PIP4K2C: variants seen among roughly 807,000 people sequenced by gnomAD.
PIP4K2C encodes the protein phosphatidylinositol-5-phosphate 4-kinase type 2 gamma.
Under a neutral mutation model 45.0 loss-of-function variants are expected in PIP4K2C, and 21 were observed. The ratio of observed to expected loss-of-function variants is 0.47; its 90% CI spans 0.33 to 0.67. The LOEUF is 0.67. Ranked by LOEUF, PIP4K2C falls within the 30% of genes least tolerant of loss-of-function variation. The pLI is 0.02. For missense variants in PIP4K2C, 456 were observed against 542.8 expected, an observed-to-expected ratio of 0.84 and a Z score of 1.59; for synonymous variants, 201 against 204.8, an observed-to-expected ratio of 0.98 and a Z score of 0.16.
chr12:57,594,359 C>A (rs1253428581), intron 2 of PIP4K2C, among the ~76,000 whole-genome samples: 2 of 152,142 alleles, frequency 1.3e-5, no homozygotes, highest in African/African-American at 2.4e-5. Flanking sequence ...CCATTACCTG[C>A]TCTTTCTCTC....
rs747427338 is a variant in PIP4K2C at position 57,601,002 on chromosome 12, C to T, written c.1005C>T (p.Tyr335=). 1 of 1,614,126 alleles carries T rather than the reference C, an allele frequency of 6.2e-7. No individual in the cohort carries two copies. Among genetic ancestry groups the T allele is most frequent in the Non-Finnish European group, 8.5e-7 (1 of 1,180,038 alleles). Reference sequence around the variant, plus strand: ...CCTCCCCAGAGGGTATCGGAGGCTACATCCATTCCCATCGGCCCCTGGGCC... The same window carrying T: ...CCTCCCCAGAGGGTATCGGAGGCTATATCCATTCCCATCGGCCCCTGGGCC... ...YGTSPEGIGG[Y]IHSHRPLGPG... Residue 335 remains tyrosine, a synonymous_variant, in exon 8 of 10, where the codon TAC becomes TAT. Coordinates refer to ENST00000354947, the MANE Select transcript of PIP4K2C (RefSeq NM_024779.5).
chr12:57,602,637 A>T lies in PIP4K2C; in HGVS notation c.*1031A>T, dbSNP rs1283600694. ...TGTGGGAACTTCCCCTACTCCCTGG[A>T]TGTGTGTACCTAGCACACTTCCTTC... On this transcript the variant is annotated 3_prime_UTR_variant, in exon 10 of 10. Transcript: ENST00000354947. 2.0e-5 allele frequency: 3 copies of T among 152,346 alleles called. No individual in the cohort carries two copies. The highest frequency in any genetic ancestry group is 7.2e-5 in the African/African-American group (3 of 41,424). The allele number at this position is 152,346 out of a possible 1,614,324, so 9.4% of individuals were successfully genotyped here. A position where few individuals can be genotyped will look rare whatever the true frequency, so the allele number is the denominator to read the frequency against.
At chr12:57,597,764 G>T (rs1371820521) in intron 4 of PIP4K2C, among the ~76,000 whole-genome samples, 1 of 152,126 alleles carries the variant, frequency 6.6e-6, no homozygotes, top group Non-Finnish European at 1.5e-5. Context: ...GGGATTCGAC[G>T]ACAGAGAGGA....
chr12:57,592,499 T>C (rs939605603), intron 1 of PIP4K2C, among the ~76,000 whole-genome samples: 2 of 152,206 alleles, frequency 1.3e-5, no homozygotes, highest in Non-Finnish European at 1.5e-5. Context: ...ATGTTGTTTG[T>C]GGCCAGTCGG....
chr12:57,591,573 C>T, intron 1 of PIP4K2C, 110 bp downstream of exon 1: 2 of 1,308,350 alleles, frequency 1.5e-6, no homozygotes, highest in Non-Finnish European at 2.1e-6. Flanking sequence ...ACTCCCCTCC[C>T]CCGGGTTGTC....
At position 57,599,119 on chromosome 12, in the gene PIP4K2C, C is replaced by T. The variant is rs141529759; in HGVS notation, c.568C>T (p.Arg190Ter). The T allele has an allele frequency of 6.8e-6, 11 of 1,614,094 alleles. No individual in the cohort carries two copies. The African/African-American group carries it at 8.0e-5, about 12-fold the overall frequency. Residue 190 changes from arginine (R) to a stop codon, truncating the protein, a stop_gained, in exon 5 of 10, where the codon CGA (arginine) becomes TGA (stop). Coordinates refer to ENST00000354947, the MANE Select transcript of PIP4K2C (RefSeq NM_024779.5). LOFTEE classifies it high-confidence loss of function. ...TCTGCCCCAGTTCCTGGGGATGTAC[C>T]GAGTCAGTGTGGACAACGAAGACAG... is the stretch of plus-strand genomic sequence containing the variant. ...TLLPQFLGMY[R>*]VSVDNEDSYM... is the part of the protein sequence containing the mutation.
chr12:57,595,319 A>C (rs1312284621), intron 3 of PIP4K2C, 97 bp downstream of exon 3: 1 of 818,660 alleles, frequency 1.2e-6, no homozygotes, highest in Non-Finnish European at 2.1e-6. Flanking sequence ...GAGTCTTGGC[A>C]AATATAATTC....
intron 1 of PIP4K2C, among the ~76,000 whole-genome samples, chr12:57,593,512 A>G (rs928291049): frequency 6.6e-6 from 1 of 152,124 alleles, no homozygotes; most frequent in African/African-American, 2.4e-5. Flanking sequence ...GTGGTCTAGG[A>G]AGACTGGTCC....
intron 6 of PIP4K2C, among the ~76,000 whole-genome samples, chr12:57,599,870 G>A (rs1300503800): frequency 1.3e-5 from 2 of 152,056 alleles, no homozygotes; most frequent in East Asian, 1.9e-4. Flanking sequence ...CCTGAGCAAC[G>A]TAATCTCTAC....
Position 57,591,414 on chromosome 12 carries a change from G to A in PIP4K2C, c.125G>A (p.Arg42Gln), listed in dbSNP as rs750585885. The change falls in exon 1 of 10, where the codon CGG becomes CAG. Residue 42 changes from arginine (R) to glutamine (Q), a missense_variant. By Grantham distance (43) the Arg-to-Gln change is conservative (BLOSUM62 1). Around this residue, in one of 2 missense-constraint regions of PIP4K2C, gnomAD observed 421 missense variants for 473.1 expected, o/e 0.89. Coordinates refer to ENST00000354947, the MANE Select transcript of PIP4K2C (RefSeq NM_024779.5). Reference sequence around the variant, plus strand: ...GTGCAGCAGAAGGTGAAGGTGTTCCGGGCGGCCGACCCGCTGGTGGGTGTG... The same window carrying A: ...GTGCAGCAGAAGGTGAAGGTGTTCCAGGCGGCCGACCCGCTGGTGGGTGTG... ...HFVQQKVKVFRAADPLVGVFL... is the reference protein window; with the variant it reads ...HFVQQKVKVFQAADPLVGVFL... 9 of 1,613,662 alleles carry A rather than the reference G, an allele frequency of 5.6e-6. No homozygotes were observed. Among genetic ancestry groups the A allele is most frequent in the African/African-American group, 1.3e-5 (1 of 74,860 alleles).
At chr12:57,599,978 C>T (rs907651504) in intron 6 of PIP4K2C, among the ~76,000 whole-genome samples, 1 of 150,116 alleles carries the variant, frequency 6.7e-6, no homozygotes, top group Non-Finnish European at 1.5e-5. Context: ...CAGGAGGTCG[C>T]GGCTACAGTG....
At position 57,591,431 on chromosome 12, in the gene PIP4K2C, G is replaced by T. The variant is rs752122625; in HGVS notation, c.142G>T (p.Val48Leu). Residue 48 changes from valine (V) to leucine (L), a missense_variant, in exon 1 of 10, where the codon GTG becomes TTG. Around this residue, in one of 2 missense-constraint regions of PIP4K2C, gnomAD observed 421 missense variants for 473.1 expected, o/e 0.89. Transcript: ENST00000354947. ...VKVFRAADPL[V>L]GVFLWGVAHS... ...GGTGTTCCGGGCGGCCGACCCGCTG[G>T]TGGGTGTGTTCCTGTGGGGCGTAGC... 9.3e-6 allele frequency: 15 copies of T among 1,613,478 alleles called. No homozygotes were observed. In the South Asian group the frequency reaches 1.3e-4, roughly 14 times the overall value.
chr12:57,594,148 A>C, intron 2 of PIP4K2C, 26 bp downstream of exon 2: 15 of 1,550,026 alleles, frequency 9.7e-6, no homozygotes, highest in Non-Finnish European at 1.3e-5. Context: ...TGCCATTCTC[A>C]TGTCAACCTT....
At chr12:57,599,491 A>G in intron 6 of PIP4K2C, 53 bp downstream of exon 6, 1 of 1,599,184 alleles carries the variant, frequency 6.3e-7, no homozygotes, top group Non-Finnish European at 8.6e-7. Flanking sequence ...GGGAGGGCAG[A>G]TGAGGGGAAC....
At chr12:57,596,090 C>G (rs1368968773) in intron 4 of PIP4K2C, 59 bp downstream of exon 4, 9 of 1,552,262 alleles carry the variant, frequency 5.8e-6, no homozygotes, top group Non-Finnish European at 8.0e-6. Context: ...TATAGCTCAG[C>G]TATTGTCAGT....
chr12:57,595,578 G>A (rs1257347406), intron 3 of PIP4K2C, among the ~76,000 whole-genome samples: 2 of 151,672 alleles, frequency 1.3e-5, no homozygotes, highest in Non-Finnish European at 2.9e-5. Flanking sequence ...GGTGGCGCAC[G>A]TCTAGTCCCC....
At chr12:57,597,850 G>A (rs1295686337) in intron 4 of PIP4K2C, 2 of 152,202 alleles carry the variant, frequency 1.3e-5, no homozygotes. Flanking sequence ...ATAGGATCAA[G>A]TGCCACAAAG....
chr12:57,601,658 T>G lies in PIP4K2C; in HGVS notation c.*52T>G. 1 of 1,467,902 alleles carries G rather than the reference T, an allele frequency of 6.8e-7. No homozygotes were observed. Among genetic ancestry groups the G allele is most frequent in the Non-Finnish European group, 9.6e-7 (1 of 1,046,868 alleles). 90.9% of individuals were successfully genotyped at this position (1,467,902 alleles called of 1,614,324 possible). On this transcript the variant is annotated 3_prime_UTR_variant, in exon 10 of 10. Transcript: ENST00000354947. ...CAAGGTGGTGGGGTTCTGAGACACT[T>G]GGGGGAATTGTGGGGATATTCTAGC...
rs965656391 is a variant in PIP4K2C at position 57,601,854 on chromosome 12, T to C, written c.*248T>C. 1.1e-5 allele frequency: 6 copies of C among 524,292 alleles called. No homozygotes were observed. Among genetic ancestry groups the C allele is most frequent in the Non-Finnish European group, 2.1e-5 (6 of 290,474 alleles). The allele number at this position is 524,292 out of a possible 1,614,324, so 32.5% of individuals were successfully genotyped here. A position where few individuals can be genotyped will look rare whatever the true frequency, so the allele number is the denominator to read the frequency against. ...CCCATGAGAAGTCTGCTTGTAGTAT[T>C]AGAATGTTATTGTTGACTCTCTCCC... On this transcript the variant is annotated 3_prime_UTR_variant, in exon 10 of 10. Coordinates refer to ENST00000354947, the MANE Select transcript of PIP4K2C (RefSeq NM_024779.5).
Sources: gnomAD v4.1 joint callset for allele counts (sites outside exome capture counted in the v4.1 genomes callset) on GRCh38, gnomAD v4.1.1 for gene constraint, gnomAD v4.1.1 regional missense constraint, MANE v1.5 for transcripts, NCBI Gene and HGNC (gene_info 2026-07-23, HGNC 2026-07-21) for gene names.